NBAS: variants seen among roughly 807,000 people sequenced by gnomAD.
NBAS encodes the protein NAG/BC035112 fusion.
Under a neutral mutation model 302.5 loss-of-function variants are expected in NBAS, and 219 were observed. The observed-to-expected ratio is 0.72, with a 90% CI of 0.65 to 0.81. The LOEUF is 0.81. Ranked by LOEUF, NBAS falls within the 30% of genes least tolerant of loss-of-function variation. The probability of loss-of-function intolerance (pLI) is 0.00; values close to 1 mark genes in which losing one functional copy is unlikely to be tolerated. For synonymous variants in NBAS, 1,118 were observed against 1,021.6 expected (o/e 1.09, Z -1.80); for missense variants, 2,932 against 2,841.6 (o/e 1.03, Z -0.72).
In NBAS at chr2:15,356,303, C is replaced by T; in HGVS notation, c.3931G>A (p.Gly1311Ser). Reference protein sequence around the residue: ...SMHCQELMATGYPKSWDVCSQ... With the variant: ...SMHCQELMATSYPKSWDVCSQ... ...AGTGTTAAATAAGCTGTCTACTCAC[C>T]TGTGGCCATCAGCTCCTGACAATGC... Residue 1311 changes from glycine (G) to serine (S), a missense_variant and splice_region_variant, in exon 33 of 52, where the codon GGT (glycine) becomes AGT (serine). Transcript: ENST00000281513. 1 of 1,611,294 alleles carries T rather than the reference C, an allele frequency of 6.2e-7. No individual in the cohort carries two copies. The highest frequency in any genetic ancestry group is 8.5e-7 in the Non-Finnish European group (1 of 1,177,496).
the NBAS span, among the ~76,000 whole-genome samples, chr2:14,968,842 G>C: frequency 6.6e-6 from 1 of 152,056 alleles, no homozygotes; most frequent in African/African-American, 2.4e-5. Flanking sequence ...TTCACTGCTA[G>C]GTATATATCA....
At chr2:14,898,918 G>C in the NBAS span, among the ~76,000 whole-genome samples, 41 of 152,102 alleles carry the variant, frequency 2.7e-4, no homozygotes, top group Non-Finnish European at 4.7e-4. Context: ...TGGAACTATT[G>C]TGTCTACGTT....
At chr2:15,005,282 C>T in the NBAS span, among the ~76,000 whole-genome samples, 1 of 152,176 alleles carries the variant, frequency 6.6e-6, no homozygotes, top group African/African-American at 2.4e-5. Flanking sequence ...TAGCGACTCC[C>T]CTTACTCGCT....
chr2:15,433,952 A>G lies in NBAS; in HGVS notation c.2340-6158T>C, dbSNP rs571122725. Among the ~76,000 whole-genome samples, 12 of 145,418 alleles carry G rather than the reference A, an allele frequency of 8.3e-5. No homozygotes were observed. In the South Asian group the frequency reaches 1.8e-3, roughly 21 times the overall value. On this transcript the variant is annotated intron_variant, in intron 21 of 51. Transcript: ENST00000281513. ...CATCTCTTCAAGAAAAAGAAAAAGG[A>G]AAAAAAAAAAGAAAAGACTAGCAAG...
At chr2:15,103,265 G>A in the NBAS span, among the ~76,000 whole-genome samples, 450 of 152,018 alleles carry the variant, frequency 3.0e-3, 2 homozygotes, top group Non-Finnish European at 4.6e-3. Context: ...TTCCCTTTGA[G>A]AAAAGCTCTG....
chr2:15,442,461 A>G (rs1430364424), intron 21 of NBAS, among the ~76,000 whole-genome samples: 1 of 151,892 alleles, frequency 6.6e-6, no homozygotes, highest in Non-Finnish European at 1.5e-5. Flanking sequence ...CAACAAGAAC[A>G]AAGACACAAC....
chr2:15,196,630 A>G, intron 48 of NBAS, among the ~76,000 whole-genome samples: 1 of 152,246 alleles, frequency 6.6e-6, no homozygotes, highest in Admixed American at 6.5e-5. Context: ...AATAAGCAGA[A>G]TACAATTTGA....
At chr2:15,288,147 G>A (rs61106957) in intron 41 of NBAS, among the ~76,000 whole-genome samples, 4,440 of 152,354 alleles carry the variant, frequency 0.029, 188 homozygotes, top group African/African-American at 0.096. Flanking sequence ...TGGTCTAGGG[G>A]TAGAGATTTG....
the NBAS span, among the ~76,000 whole-genome samples, chr2:14,779,932 A>G: frequency 6.6e-6 from 1 of 152,200 alleles, no homozygotes; most frequent in East Asian, 1.9e-4. Context: ...TATAACTCTC[A>G]CATGACCCAA....
chr2:15,321,081 A>C (rs1279764946), intron 38 of NBAS, among the ~76,000 whole-genome samples: 1 of 152,220 alleles, frequency 6.6e-6, no homozygotes, highest in Non-Finnish European at 1.5e-5. Flanking sequence ...AGCCCTCAGA[A>C]ATAACACCAC....
intron 48 of NBAS, among the ~76,000 whole-genome samples, chr2:15,203,887 T>C (rs1042754363): frequency 1.8e-5 from 2 of 111,838 alleles, no homozygotes; most frequent in African/African-American, 3.9e-5. Context: ...TGTGTGTGTG[T>C]GCTTGTGTGT....
the NBAS span, among the ~76,000 whole-genome samples, chr2:14,800,967 TA>T: frequency 2.6e-5 from 4 of 152,054 alleles, no homozygotes; most frequent in African/African-American, 9.7e-5. Context: ...TTTGTATGGT[TA>T]GGAAAAGTAT....
intron 38 of NBAS, among the ~76,000 whole-genome samples, chr2:15,312,930 T>C (rs879803184): frequency 3.9e-5 from 6 of 152,188 alleles, no homozygotes; most frequent in Admixed American, 2.6e-4. Context: ...AATTAGACCA[T>C]TTCAATAGCC....
the NBAS span, among the ~76,000 whole-genome samples, chr2:15,122,727 C>T: frequency 6.6e-6 from 1 of 152,146 alleles, no homozygotes; most frequent in Non-Finnish European, 1.5e-5. Context: ...GGAAGGGAAG[C>T]AAAAGTTTAA....
the NBAS span, among the ~76,000 whole-genome samples, chr2:14,904,922 G>A: frequency 6.6e-6 from 1 of 152,132 alleles, no homozygotes; most frequent in East Asian, 1.9e-4. Context: ...AGTGGCGGGC[G>A]CCTGTAGTCC....
chr2:15,382,677 G>C (rs1675098792), intron 29 of NBAS, among the ~76,000 whole-genome samples: 1 of 152,206 alleles, frequency 6.6e-6, no homozygotes, highest in Non-Finnish European at 1.5e-5. Flanking sequence ...AAAAGTGGAA[G>C]AGGTGAGGGA....
chr2:15,437,150 T>C (rs1233782673), intron 21 of NBAS, among the ~76,000 whole-genome samples: 2 of 152,064 alleles, frequency 1.3e-5, no homozygotes, highest in Non-Finnish European at 2.9e-5. Context: ...ATGGGACAGG[T>C]GACTCTTCGC....
intron 28 of NBAS, among the ~76,000 whole-genome samples, chr2:15,388,146 A>G (rs778365228): frequency 2.0e-5 from 3 of 152,218 alleles, no homozygotes; most frequent in Non-Finnish European, 4.4e-5. Flanking sequence ...ATCTATAAAC[A>G]TGAGGTATTC....
rs1348193007 is a variant in NBAS at position 15,473,233 on chromosome 2, G to T, written c.1714C>A (p.Gln572Lys). ...RKSAVNVASI[Q>K]NYLSKIKKRS... is the part of the protein sequence containing the mutation. ...ATATTTAAACATACCAAATAATTCT[G>T]AATTGAAGCAACGTTGACCGCTGAC... Residue 572 changes from glutamine to lysine, a missense_variant, in exon 16 of 52, where the codon CAG becomes AAG. Transcript: ENST00000281513. The T allele has an allele frequency of 1.2e-6, 2 of 1,613,920 alleles. No individual in the cohort carries two copies. Among genetic ancestry groups the T allele is most frequent in the Non-Finnish European group, 1.7e-6 (2 of 1,179,864 alleles).
Sources: gnomAD v4.1 joint callset for allele counts (sites outside exome capture counted in the v4.1 genomes callset) on GRCh38, gnomAD v4.1.1 for gene constraint, MANE v1.5 for transcripts, NCBI Gene and HGNC (gene_info 2026-07-23, HGNC 2026-07-21) for gene names.